The following TGFB3 variants were observed in gnomAD, a reference collection of about 807,000 sequenced individuals.
The protein encoded by TGFB3 is transforming growth factor beta-3 proprotein.
Under a neutral mutation model 40.1 loss-of-function variants are expected in TGFB3, and 5 were observed. That is an observed-to-expected ratio of 0.12 (90% CI 0.07 to 0.26). The LOEUF (loss-of-function observed/expected upper bound fraction) is 0.26, where lower values mean the gene tolerates loss of function less well. Among genes scored for constraint, TGFB3 ranks in the 10% least tolerant of loss-of-function variants. The pLI, the probability that TGFB3 is intolerant of heterozygous loss-of-function variation, is 1.00. For missense variants in TGFB3, 373 were observed against 530.1 expected (o/e 0.70, Z 2.91); for synonymous variants, 184 against 205.6 (o/e 0.89, Z 0.90).
At chr14:75,972,663 A>G (rs749551521) in intron 1 of TGFB3, among the ~76,000 whole-genome samples, 1 of 152,174 alleles carries the variant, frequency 6.6e-6, no homozygotes, top group Admixed American at 6.5e-5. Flanking sequence ...AATGCAAATG[A>G]GTAAGAGGGG....
At chr14:75,959,931 CTTTTTTTTTTTTT>C (rs71122509) in intron 6 of TGFB3, among the ~76,000 whole-genome samples, 10 of 32,006 alleles carry the variant, frequency 3.1e-4, no homozygotes, top group African/African-American at 3.8e-4. Context: ...ATTATCTTGG[CTTTTTTTTTTTTT>C]TTTTTTTTTT....
intron 5 of TGFB3, 51 bp downstream of exon 5, chr14:75,963,265 T>C: frequency 6.2e-7 from 1 of 1,609,280 alleles, no homozygotes; most frequent in African/African-American, 1.3e-5. Context: ...ACCTAGCCAT[T>C]GGGCAGTAGG....
chr14:75,963,476 C>T lies in TGFB3; in HGVS notation c.766G>A (p.Glu256Lys), dbSNP rs752984800. 1 of 1,614,192 alleles carries T rather than the reference C, an allele frequency of 6.2e-7. No homozygotes were observed. Among genetic ancestry groups the T allele is most frequent in the Admixed American group, 1.7e-5 (1 of 60,032 alleles). The stretch of plus-strand genomic sequence containing the variant: ...AGATCTCCACGGCCATGGTCATCCT[C>T]ATTGTCCACGCCTGAAGAAGGGAAG... The part of the protein sequence containing the change: ...MEIKFKGVDN[E>K]DDHGRGDLGR... Residue 256 changes from glutamate (E) to lysine (K), a missense_variant, in exon 5 of 7, where the codon GAG (glutamate) becomes AAG (lysine). Coordinates refer to ENST00000238682, the MANE Select transcript of TGFB3 (RefSeq NM_003239.5).
Position 75,958,976 on chromosome 14 carries a change from A to G in TGFB3, c.*211T>C. 1 of 629,684 alleles carries G rather than the reference A, an allele frequency of 1.6e-6. No homozygotes were observed. Among genetic ancestry groups the G allele is most frequent in the Non-Finnish European group, 2.8e-6 (1 of 351,866 alleles). 39.0% of individuals were successfully genotyped at this position (629,684 alleles called of 1,614,324 possible). ...TTCTGAAGAGTTCAGCCTTCCTCTA[A>G]CCAAACCCACACTTTCTTTACCACC... On this transcript the variant is annotated 3_prime_UTR_variant, in exon 7 of 7. Transcript: ENST00000238682.
intron 3 of TGFB3, among the ~76,000 whole-genome samples, chr14:75,967,840 G>A (rs1419377612): frequency 6.6e-6 from 1 of 152,286 alleles, no homozygotes; most frequent in African/African-American, 2.4e-5. Flanking sequence ...CTGACAGCTT[G>A]ATGCCAGATC....
rs1172117848 is a variant in TGFB3, at chr14:75,981,979, C to CAT, written c.-1088_-1087dup. On this transcript the variant is annotated 5_prime_UTR_variant, in exon 1 of 7. The change creates a new upstream start codon in the 5' untranslated region. Transcript: ENST00000238682. This position sits in a 1 kb window ranked among gnomAD's most constrained non-coding sequence, Gnocchi z 4.7. ...TCCCTCTCTCTCTCACACACACACA[C>CAT]ATGCACACACACTGCTTTCTCTATT... 6.6e-6 allele frequency among the ~76,000 whole-genome samples: 1 copy of CAT among 151,864 alleles called. No individual in the cohort carries two copies. Among genetic ancestry groups the CAT allele is most frequent in the African/African-American group, 2.4e-5 (1 of 41,348 alleles).
At chr14:75,977,644 G>A (rs187084113) in intron 1 of TGFB3, among the ~76,000 whole-genome samples, 7 of 129,704 alleles carry the variant, frequency 5.4e-5, no homozygotes, top group African/African-American at 2.0e-4. Context: ...GTGGCAGTAT[G>A]AATCTCCCGG....
chr14:75,974,593 C>T lies in TGFB3; in HGVS notation c.353-2875G>A, dbSNP rs113683417. Among the ~76,000 whole-genome samples, 820 of 151,750 alleles carry T rather than the reference C, an allele frequency of 5.4e-3. 10 individuals are homozygous for T. The highest frequency in any genetic ancestry group is 0.019 in the African/African-American group (796 of 41,350). On this transcript the variant is annotated intron_variant, in intron 1 of 6. Transcript: ENST00000238682. ...GCACCTGGGCAACAAGGTGAAACCC[C>T]GTCTCTACTAAAAATACAAAAATTA...
rs2035299323 is a variant in TGFB3, at chr14:75,971,909, G to T, written c.353-191C>A. Among the ~76,000 whole-genome samples, 1 of 152,216 alleles carries T rather than the reference G, an allele frequency of 6.6e-6. No individual in the cohort carries two copies. Among genetic ancestry groups the T allele is most frequent in the Non-Finnish European group, 1.5e-5 (1 of 68,038 alleles). On this transcript the variant is annotated intron_variant, in intron 1 of 6. Transcript: ENST00000238682. The surrounding 1 kb of genome is among the most constrained non-coding windows in gnomAD (Gnocchi z 4.5). Reference sequence around the variant, plus strand: ...TAGAATCACACACAGTCCTGAGCAAGGAGCAGTGTGGCCTCAGAGCTCCAC... The same window carrying T: ...TAGAATCACACACAGTCCTGAGCAATGAGCAGTGTGGCCTCAGAGCTCCAC...
chr14:75,972,294 ATATCC>A (rs2035303519), intron 1 of TGFB3, among the ~76,000 whole-genome samples: 1 of 152,212 alleles, frequency 6.6e-6, no homozygotes, highest in African/African-American at 2.4e-5. Context: ...AGAGTTATTT[ATATCC>A]TGCTGCTCAA....
At position 75,979,108 on chromosome 14, in the gene TGFB3, C is replaced by T. The variant is rs878929128; in HGVS notation, c.352+1434G>A. 1.5e-4 allele frequency among the ~76,000 whole-genome samples: 23 copies of T among 152,150 alleles called. No individual in the cohort carries two copies. Among genetic ancestry groups the T allele is most frequent in the African/African-American group, 5.1e-4 (21 of 41,430 alleles). On this transcript the variant is annotated intron_variant, in intron 1 of 6. Transcript: ENST00000238682. The surrounding 1 kb of genome is among the most constrained non-coding windows in gnomAD (Gnocchi z 4.8). Reference sequence around the variant, plus strand: ...GGAGTAGTAGCTCTGCATCGGCCTCCAGCCTCCGCCCCACATGGCAGCCAC... The same window carrying T: ...GGAGTAGTAGCTCTGCATCGGCCTCTAGCCTCCGCCCCACATGGCAGCCAC...
At chr14:75,977,563 C>T (rs1056366551) in intron 1 of TGFB3, among the ~76,000 whole-genome samples, 10 of 150,172 alleles carry the variant, frequency 6.7e-5, no homozygotes, top group Non-Finnish European at 1.5e-4. Flanking sequence ...TACGTAGCTG[C>T]GGTTGCTTAA....
chr14:75,966,627 A>G (rs2035224768), intron 3 of TGFB3: 1 of 152,284 alleles, frequency 6.6e-6, no homozygotes, highest in South Asian at 2.1e-4. Context: ...GACAGTGAGC[A>G]TGATGAAGCC....
intron 3 of TGFB3, among the ~76,000 whole-genome samples, chr14:75,969,884 T>A (rs935496367): frequency 1.3e-5 from 2 of 152,114 alleles, no homozygotes; most frequent in Non-Finnish European, 2.9e-5. Context: ...ACAGAACAAA[T>A]CCATCTGATC....
intron 5 of TGFB3, among the ~76,000 whole-genome samples, chr14:75,962,175 C>G (rs911291684): frequency 6.6e-6 from 1 of 151,986 alleles, no homozygotes; most frequent in Non-Finnish European, 1.5e-5. Flanking sequence ...AGCAGCCAGC[C>G]CACCCTAACC....
At chr14:75,963,680 T>C (rs1477848501) in intron 4 of TGFB3, among the ~76,000 whole-genome samples, 193 bp from the exon 5 acceptor site, 1 of 152,096 alleles carries the variant, frequency 6.6e-6, no homozygotes, top group Admixed American at 6.5e-5. Flanking sequence ...GAAGCCAGTA[T>C]CAAAAGAACT....
Position 75,980,663 on chromosome 14 carries a change from C to A in TGFB3, c.231G>T (p.Arg77=). 2 of 1,614,228 alleles carry A rather than the reference C, an allele frequency of 1.2e-6. No homozygotes were observed. Among genetic ancestry groups the A allele is most frequent in the Non-Finnish European group, 1.7e-6 (2 of 1,180,048 alleles). The change falls in exon 1 of 7, where the codon CGG becomes CGT. Residue 77 remains arginine, a synonymous_variant. Coordinates refer to ENST00000238682, the MANE Select transcript of TGFB3 (RefSeq NM_003239.5). This position sits in a 1 kb window ranked among gnomAD's most constrained non-coding sequence, Gnocchi z 4.3. The part of the protein sequence containing the change: ...YQVLALYNST[R]ELLEEMHGER... Reference sequence around the variant, plus strand: ...CCCCATGCATCTCCTCCAGCAGCTCCCGGGTGCTGTTGTAAAGGGCCAGGA... The same window carrying A: ...CCCCATGCATCTCCTCCAGCAGCTCACGGGTGCTGTTGTAAAGGGCCAGGA...
chr14:75,970,546 G>A (rs967782869), intron 3 of TGFB3: 10 of 147,648 alleles, frequency 6.8e-5, no homozygotes, highest in East Asian at 2.0e-4. Flanking sequence ...GCAACAGAGC[G>A]AGACTCAGTC....
At position 75,980,395 on chromosome 14, in the gene TGFB3, C is replaced by T. The variant is rs562578607; in HGVS notation, c.352+147G>A. 666 of 861,534 alleles carry T rather than the reference C, an allele frequency of 7.7e-4. 3 individuals carry two copies. The Middle Eastern group carries it at 0.011, about 14-fold the overall frequency. The allele number at this position is 861,534 out of a possible 1,614,324, so 53.4% of individuals were successfully genotyped here. On this transcript the variant is annotated intron_variant, in intron 1 of 6. Transcript: ENST00000238682. The surrounding 1 kb of genome is among the most constrained non-coding windows in gnomAD (Gnocchi z 4.3). ...TCCCCACCCACCTCCCCAGCCCCAACGGAGGAGCATCGCACATCCTGAGCC... is the reference window on the plus strand; with the variant it reads ...TCCCCACCCACCTCCCCAGCCCCAATGGAGGAGCATCGCACATCCTGAGCC...
Sources: gnomAD v4.1 joint callset for allele counts (sites outside exome capture counted in the v4.1 genomes callset) on GRCh38, gnomAD v4.1.1 for gene constraint, Gnocchi (gnomAD v3.1) non-coding constraint, MANE v1.5 for transcripts, NCBI Gene and HGNC (gene_info 2026-07-23, HGNC 2026-07-21) for gene names.